The following RGS17 variants were observed in gnomAD, a reference collection of about 807,000 sequenced individuals.
RGS17 encodes regulator of G-protein signaling 17.
In RGS17, 12 loss-of-function variants were observed where a neutral mutation model predicts 25.5. The observed-to-expected ratio is 0.47, with a 90% CI of 0.30 to 0.76. The LOEUF (loss-of-function observed/expected upper bound fraction) is 0.76. Ranked by LOEUF, RGS17 falls within the 30% of genes least tolerant of loss-of-function variation. The pLI, the probability that RGS17 is intolerant of heterozygous loss-of-function variation, is 0.07. For missense variants in RGS17, 196 were observed against 242.2 expected, an observed-to-expected ratio of 0.81 and a Z score of 1.27; for synonymous variants, 71 against 76.9, an observed-to-expected ratio of 0.92 and a Z score of 0.40.
chr6:153,063,657 G>A (rs2129115502), intron 1 of RGS17, among the ~76,000 whole-genome samples: 1 of 152,302 alleles, frequency 6.6e-6, no homozygotes, highest in South Asian at 2.1e-4. Context: ...AAAGAGAAGG[G>A]TAGAAAGTTT....
intron 1 of RGS17, among the ~76,000 whole-genome samples, chr6:153,125,656 C>T (rs912379880): frequency 1.1e-4 from 16 of 152,040 alleles, no homozygotes; most frequent in African/African-American, 3.6e-4. Flanking sequence ...TGCTTGAGCC[C>T]AGGAGTTCAA....
chr6:153,072,862 C>T (rs1776825775), intron 1 of RGS17, among the ~76,000 whole-genome samples: 1 of 152,148 alleles, frequency 6.6e-6, no homozygotes, highest in Admixed American at 6.6e-5. Flanking sequence ...AATACCTGTT[C>T]ATGGTTTATC....
intron 1 of RGS17, among the ~76,000 whole-genome samples, chr6:153,066,287 G>A (rs1052898752): frequency 1.3e-5 from 2 of 152,110 alleles, no homozygotes; most frequent in African/African-American, 4.8e-5. Context: ...TACACTGTTG[G>A]TGGGAACATA....
intron 1 of RGS17, among the ~76,000 whole-genome samples, chr6:153,123,122 T>C (rs937277983): frequency 2.9e-5 from 3 of 105,102 alleles, no homozygotes; most frequent in African/African-American, 7.8e-5. Context: ...ATATAGGTCA[T>C]TGTATTGCTT....
chr6:153,059,722 T>C (rs892292003), intron 1 of RGS17, among the ~76,000 whole-genome samples: 2 of 152,212 alleles, frequency 1.3e-5, no homozygotes, highest in Admixed American at 6.5e-5. Flanking sequence ...ATGTTATTAT[T>C]ACTCCTGGAC....
chr6:153,076,277 CA>C, intron 1 of RGS17, among the ~76,000 whole-genome samples: 1 of 151,492 alleles, frequency 6.6e-6, no homozygotes, highest in East Asian at 1.9e-4. Context: ...AATATAATAA[CA>C]AAAATATATA....
At chr6:153,094,911 T>C (rs956800717) in intron 1 of RGS17, among the ~76,000 whole-genome samples, 3 of 27,882 alleles carry the variant, frequency 1.1e-4, no homozygotes, top group African/African-American at 6.0e-4. Context: ...TCACTTTTTA[T>C]AATTACATTC....
intron 3 of RGS17, among the ~76,000 whole-genome samples, chr6:153,026,144 T>C (rs553038512): frequency 2.0e-5 from 3 of 152,294 alleles, no homozygotes; most frequent in African/African-American, 4.8e-5. Context: ...AGAGAAAAAC[T>C]TGAATTCTCA....
At chr6:153,124,970 A>C (rs912506118) in intron 1 of RGS17, among the ~76,000 whole-genome samples, 1 of 152,236 alleles carries the variant, frequency 6.6e-6, no homozygotes, top group African/African-American at 2.4e-5. Flanking sequence ...CCCACCTTTC[A>C]TAGAGACTGG....
chr6:153,013,524 G>A (rs1400402602), intron 4 of RGS17, among the ~76,000 whole-genome samples: 1 of 152,176 alleles, frequency 6.6e-6, no homozygotes. Context: ...TAAATAAAAA[G>A]CTAAGAAATG....
At chr6:153,079,484 T>C (rs188063171) in intron 1 of RGS17, among the ~76,000 whole-genome samples, 1 of 152,378 alleles carries the variant, frequency 6.6e-6, no homozygotes, top group East Asian at 1.9e-4. Flanking sequence ...GTGGGAATTC[T>C]ATTTCTACTT....
intron 2 of RGS17, among the ~76,000 whole-genome samples, chr6:153,027,198 T>A (rs1264796730): frequency 1.3e-5 from 2 of 152,156 alleles, no homozygotes; most frequent in African/African-American, 2.4e-5. Flanking sequence ...GGGGTGTGTG[T>A]CTGTGTAGCA....
intron 2 of RGS17, 150 bp downstream of exon 2, chr6:153,043,750 A>G (rs1776351155): frequency 3.6e-6 from 2 of 550,580 alleles, no homozygotes; most frequent in African/African-American, 2.0e-5. Flanking sequence ...TTTGCATTAA[A>G]CCAATGATAG....
intron 1 of RGS17, among the ~76,000 whole-genome samples, chr6:153,082,446 A>G (rs1405950348): frequency 6.6e-6 from 1 of 152,034 alleles, no homozygotes; most frequent in Non-Finnish European, 1.5e-5. Flanking sequence ...TAAATCTTCA[A>G]TTATCACTAA....
chr6:153,123,943 A>G (rs1419156591), intron 1 of RGS17, among the ~76,000 whole-genome samples: 1 of 152,180 alleles, frequency 6.6e-6, no homozygotes, highest in African/African-American at 2.4e-5. Context: ...GTCGGTTCAC[A>G]AAGAGGGTTA....
intron 1 of RGS17, among the ~76,000 whole-genome samples, chr6:153,077,080 G>A (rs945440546): frequency 1.3e-5 from 2 of 152,110 alleles, no homozygotes; most frequent in African/African-American, 4.8e-5. Flanking sequence ...CATAACTGAT[G>A]CAACAGGAGA....
intron 1 of RGS17, among the ~76,000 whole-genome samples, chr6:153,091,835 A>C (rs191785632): frequency 4.2e-4 from 64 of 152,320 alleles, no homozygotes; most frequent in Admixed American, 2.1e-3. Flanking sequence ...AGATTGTAAT[A>C]AAAGTACTTG....
At chr6:153,097,406 C>A (rs938416944) in intron 1 of RGS17, among the ~76,000 whole-genome samples, 13 of 146,576 alleles carry the variant, frequency 8.9e-5, no homozygotes, top group Non-Finnish European at 1.5e-4. Context: ...TCAAGCAATT[C>A]TCCTGCCGCA....
rs566030142 is a variant in RGS17, at chr6:153,068,322, C to G, written c.-25-24279G>C. ...ACTAGCTGGGCATGGTGGTGCATGC[C>G]TGCAGTCCCAGCTACTTGGGAGGCT... On this transcript the variant is annotated intron_variant, in intron 1 of 4. Transcript: ENST00000206262. 7.2e-5 allele frequency among the ~76,000 whole-genome samples: 11 copies of G among 152,248 alleles called. 1 individual carries two copies. In the South Asian group the frequency reaches 1.2e-3, roughly 17 times the overall value.
Sources: allele counts gnomAD v4.1 joint callset (sites outside exome capture counted in the v4.1 genomes callset), GRCh38; gene constraint gnomAD v4.1.1; transcripts MANE v1.5; gene names NCBI Gene and HGNC (gene_info 2026-07-23, HGNC 2026-07-21).